The following WWTR1 variants were observed in gnomAD, a reference collection of about 807,000 sequenced individuals.
WWTR1 encodes WW domain-containing transcription regulator protein 1.
In WWTR1, 13 loss-of-function variants were observed where a neutral mutation model predicts 40.1. That is an observed-to-expected ratio of 0.32 (90% CI 0.21 to 0.52). The LOEUF is 0.52. Among genes scored for constraint, WWTR1 ranks in the 20% least tolerant of loss-of-function variants. The probability of loss-of-function intolerance (pLI) is 0.97; values close to 1 mark genes in which losing one functional copy is unlikely to be tolerated. For missense variants in WWTR1, 436 were observed against 523.1 expected, an observed-to-expected ratio of 0.83 and a Z score of 1.63; for synonymous variants, 230 against 210.1, an observed-to-expected ratio of 1.09 and a Z score of -0.82.
Position 149,542,482 on chromosome 3 carries a change from G to A in WWTR1, c.624C>T (p.Asn208=), listed in dbSNP as rs779664908. Residue 208 remains asparagine, a synonymous_variant, in exon 4 of 7, where the codon AAC becomes AAT. Transcript: ENST00000360632. ...CTGCGGGTGGGTTCTGAGTGGGGTG[G>A]TTCTGCTGGCTCAGGGTACTGGGGG... ...QMAPSTLSQQ[N]HPTQNPPAGL... 1.9e-6 allele frequency: 3 copies of A among 1,613,972 alleles called. No individual in the cohort carries two copies. The South Asian group carries it at 3.3e-5, about 18-fold the overall frequency.
intron 3 of WWTR1, among the ~76,000 whole-genome samples, chr3:149,553,935 G>A (rs1736718023): frequency 6.6e-6 from 1 of 151,982 alleles, no homozygotes; most frequent in South Asian, 2.1e-4. Flanking sequence ...ATACAATGAA[G>A]GGAAAAAAAG....
At chr3:149,687,957 C>G (rs560362964) in intron 1 of WWTR1, among the ~76,000 whole-genome samples, 86 of 151,802 alleles carry the variant, frequency 5.7e-4, no homozygotes, top group African/African-American at 2.1e-3. Flanking sequence ...TCAGCAGTAG[C>G]CAGGCAGTTG....
intron 2 of WWTR1, among the ~76,000 whole-genome samples, chr3:149,599,808 C>T (rs1197625766): frequency 2.0e-5 from 3 of 152,158 alleles, no homozygotes; most frequent in Non-Finnish European, 2.9e-5. Context: ...CATTAAGTTA[C>T]ATGTTCAAAA....
intron 1 of WWTR1, among the ~76,000 whole-genome samples, chr3:149,690,369 C>T (rs1290851760): frequency 1.3e-5 from 2 of 151,678 alleles, no homozygotes; most frequent in African/African-American, 4.8e-5. Flanking sequence ...GTTACCTACA[C>T]AAAACACACT....
intron 1 of WWTR1, among the ~76,000 whole-genome samples, chr3:149,699,076 G>T (rs924657287): frequency 3.9e-5 from 6 of 152,298 alleles, no homozygotes; most frequent in African/African-American, 1.4e-4. Flanking sequence ...GCCTGCTTGT[G>T]TTTCTCTCCT....
intron 2 of WWTR1, among the ~76,000 whole-genome samples, chr3:149,579,532 C>A (rs192276667): frequency 2.6e-5 from 4 of 152,160 alleles, no homozygotes; most frequent in Non-Finnish European, 5.9e-5. Flanking sequence ...ATAATGCTAG[C>A]CAGGTGTGGT....
intron 2 of WWTR1, among the ~76,000 whole-genome samples, chr3:149,642,632 A>T (rs1335006176): frequency 6.6e-6 from 1 of 151,932 alleles, no homozygotes; most frequent in Non-Finnish European, 1.5e-5. Context: ...AAAATTAGCC[A>T]GGCGTGGTTG....
At chr3:149,716,300 G>A (rs1027308319) in intron 5 of WWTR1, among the ~76,000 whole-genome samples, 1 of 151,946 alleles carries the variant, frequency 6.6e-6, no homozygotes, top group Admixed American at 6.6e-5. Flanking sequence ...GAGAATTGCT[G>A]GAACCTGGAA....
intron 2 of WWTR1, among the ~76,000 whole-genome samples, chr3:149,653,973 A>G (rs1713053519): frequency 6.6e-6 from 1 of 152,160 alleles, no homozygotes; most frequent in African/African-American, 2.4e-5. Context: ...GAGTCAAGAA[A>G]AAGATTCTTC....
At chr3:149,526,640 A>T (rs117408536) in intron 5 of WWTR1, among the ~76,000 whole-genome samples, 1 of 152,364 alleles carries the variant, frequency 6.6e-6, no homozygotes, top group Non-Finnish European at 1.5e-5. Flanking sequence ...ACTATGGCAA[A>T]TCTGGGTAGT....
chr3:149,540,483 T>C (rs1736043042), intron 4 of WWTR1, among the ~76,000 whole-genome samples: 1 of 152,142 alleles, frequency 6.6e-6, no homozygotes, highest in Non-Finnish European at 1.5e-5. Flanking sequence ...GTCACAACTT[T>C]GTGTAAAGAA....
At chr3:149,690,135 C>T (rs1010162960) in intron 1 of WWTR1, among the ~76,000 whole-genome samples, 2 of 151,346 alleles carry the variant, frequency 1.3e-5, no homozygotes, top group African/African-American at 4.9e-5. Context: ...AACAGATATG[C>T]AAAAAATAAA....
In WWTR1 at chr3:149,676,268, C is replaced by CAA. The variant is rs11396107; in HGVS notation, c.-107-6379_-107-6378dup. 4.1e-3 allele frequency among the ~76,000 whole-genome samples: 619 copies of CAA among 152,044 alleles called. 3 individuals carry two copies. Among genetic ancestry groups the CAA allele is most frequent in the African/African-American group, 0.014 (581 of 41,490 alleles). ...TCCCCAAAAAGAGAAGGGAAAGAGA[C>CAA]AAAAAAAATCTTCAGTATTGATTCT... On this transcript the variant is annotated intron_variant, in intron 1 of 7. Transcript: ENST00000465804.
At chr3:149,574,437 C>T (rs1320568969) in intron 2 of WWTR1, among the ~76,000 whole-genome samples, 1 of 152,178 alleles carries the variant, frequency 6.6e-6, no homozygotes, top group African/African-American at 2.4e-5. Context: ...CCAGGTGGGT[C>T]TCTTCCAGTC....
intron 2 of WWTR1, among the ~76,000 whole-genome samples, chr3:149,633,599 T>G (rs1711657550): frequency 6.6e-6 from 1 of 152,168 alleles, no homozygotes; most frequent in Non-Finnish European, 1.5e-5. Flanking sequence ...CCAAAGAGTT[T>G]AAACCTAATC....
chr3:149,640,312 A>G lies in WWTR1; in HGVS notation c.431+16564T>C, dbSNP rs543491430. Reference sequence around the variant, plus strand: ...TTGAAACTATTTATCAGATCCAGACAGTTGCATCTTAAAGAACTTTTTGAA... The same window carrying G: ...TTGAAACTATTTATCAGATCCAGACGGTTGCATCTTAAAGAACTTTTTGAA... On this transcript the variant is annotated intron_variant, in intron 2 of 6. Coordinates refer to ENST00000360632, the MANE Select transcript of WWTR1 (RefSeq NM_015472.6). 1.2e-4 allele frequency among the ~76,000 whole-genome samples: 18 copies of G among 152,348 alleles called. No homozygotes were observed. In the East Asian group the frequency reaches 3.5e-3, roughly 29 times the overall value.
intron 2 of WWTR1, among the ~76,000 whole-genome samples, chr3:149,607,986 A>G (rs893308139): frequency 6.6e-6 from 1 of 152,246 alleles, no homozygotes; most frequent in African/African-American, 2.4e-5. Context: ...GAGGGCAAAT[A>G]GTTTAGTCTT....
At chr3:149,630,672 C>A (rs1711521052) in intron 2 of WWTR1, among the ~76,000 whole-genome samples, 1 of 152,148 alleles carries the variant, frequency 6.6e-6, no homozygotes, top group Admixed American at 6.5e-5. Context: ...GGCACCTTAG[C>A]TCTAGGATCA....
chr3:149,528,559 A>C (rs767797185), intron 4 of WWTR1, among the ~76,000 whole-genome samples: 4 of 152,164 alleles, frequency 2.6e-5, no homozygotes, highest in Non-Finnish European at 5.9e-5. Flanking sequence ...TGGGAGGTCG[A>C]GGTGGGCGGA....
Sources: gnomAD v4.1 joint callset for allele counts (sites outside exome capture counted in the v4.1 genomes callset) on GRCh38, gnomAD v4.1.1 for gene constraint, MANE v1.5 for transcripts, NCBI Gene and HGNC (gene_info 2026-07-23, HGNC 2026-07-21) for gene names.